The following ANO3 variants were observed in gnomAD, a reference collection of about 807,000 sequenced individuals.
ANO3 encodes anoctamin-3.
Under a neutral mutation model 144.8 loss-of-function variants are expected in ANO3, and 99 were observed. The ratio of observed to expected loss-of-function variants is 0.68; its 90% CI spans 0.58 to 0.81. ANO3 has a LOEUF of 0.81. Ranked by LOEUF, ANO3 falls within the 30% of genes least tolerant of loss-of-function variation. ANO3 has a pLI of 0.00. For missense variants in ANO3, 905 were observed against 1,202.2 expected, an observed-to-expected ratio of 0.75 and a Z score of 3.66; for synonymous variants, 414 against 392.6, an observed-to-expected ratio of 1.05 and a Z score of -0.64.
At chr11:26,545,017 A>G (rs1849751125) in intron 11 of ANO3, among the ~76,000 whole-genome samples, 1 of 151,992 alleles carries the variant, frequency 6.6e-6, no homozygotes, top group South Asian at 2.1e-4. Flanking sequence ...TATTACCAAA[A>G]TTTAGATGGT....
chr11:26,250,813 G>A (rs921005196), intron 1 of ANO3, among the ~76,000 whole-genome samples: 2 of 152,142 alleles, frequency 1.3e-5, no homozygotes, highest in African/African-American at 4.8e-5. Flanking sequence ...TTACATCCCA[G>A]TAAATCCATA....
At position 26,452,423 on chromosome 11, in the gene ANO3, C is replaced by T. The variant is rs1325541332; in HGVS notation, c.313+8587C>T. ...GCTGAAAGCCAAGGCTCGAGAACTA[C>T]GTGAAGAATGCAGAAGCCTCAGGAG... On this transcript the variant is annotated intron_variant, in intron 3 of 26. Transcript: ENST00000256737. 5.3e-5 allele frequency among the ~76,000 whole-genome samples: 8 copies of T among 152,008 alleles called. No individual in the cohort carries two copies. The South Asian group carries it at 6.2e-4, about 12-fold the overall frequency.
intron 1 of ANO3, among the ~76,000 whole-genome samples, chr11:26,355,662 C>T (rs578166753): frequency 2.2e-4 from 34 of 151,882 alleles, no homozygotes; most frequent in African/African-American, 7.7e-4. Context: ...CAGATACAAG[C>T]GATTCTTCTG....
At chr11:26,462,178 G>GTT (rs1675980781) in intron 3 of ANO3, among the ~76,000 whole-genome samples, 1 of 151,880 alleles carries the variant, frequency 6.6e-6, no homozygotes, top group Non-Finnish European at 1.5e-5. Flanking sequence ...AAGCACTAGA[G>GTT]TTTTCCATGT....
chr11:26,450,032 A>T (rs1171094064), intron 3 of ANO3, among the ~76,000 whole-genome samples: 1 of 152,140 alleles, frequency 6.6e-6, no homozygotes, highest in African/African-American at 2.4e-5. Context: ...CTGGGATTTC[A>T]GGGGTGAGCC....
At chr11:26,320,053 T>A (rs1854722100) in intron 1 of ANO3, among the ~76,000 whole-genome samples, 2 of 152,120 alleles carry the variant, frequency 1.3e-5, no homozygotes, top group Admixed American at 1.3e-4. Flanking sequence ...AAATCAGAGC[T>A]TCCAGTGAAT....
intron 4 of ANO3, 140 bp downstream of exon 4, chr11:26,463,288 G>A: frequency 2.2e-6 from 1 of 447,302 alleles, no homozygotes; most frequent in Middle Eastern, 5.9e-4. Flanking sequence ...GAACTCAGAA[G>A]CAAAAAGTTG....
At chr11:26,404,931 ATATGTGTGTGTGTG>A (rs1452162200) in intron 1 of ANO3, among the ~76,000 whole-genome samples, 2 of 39,216 alleles carry the variant, frequency 5.1e-5, no homozygotes, top group African/African-American at 1.2e-4. Flanking sequence ...GAATTTATAT[ATATGTGTGTGTGTG>A]TGTGTGTGTG....
At chr11:26,409,373 T>A (rs1205474370) in intron 1 of ANO3, among the ~76,000 whole-genome samples, 2 of 151,954 alleles carry the variant, frequency 1.3e-5, no homozygotes, top group Non-Finnish European at 2.9e-5. Context: ...TTTTTGTACA[T>A]GTAGTATTTA....
At chr11:26,478,331 C>T (rs1242273464) in intron 4 of ANO3, among the ~76,000 whole-genome samples, 5 of 152,158 alleles carry the variant, frequency 3.3e-5, no homozygotes. Context: ...CAACAAATCA[C>T]TCTAACCTAG....
In ANO3 at chr11:26,586,936, C is replaced by T. The variant is rs190494862; in HGVS notation, c.1448-11429C>T. On this transcript the variant is annotated intron_variant, in intron 14 of 26. Transcript: ENST00000256737. ...AAAATGGATTATAAGATACTTTATT[C>T]AAAGTCATAGATTCGTAGAGTTTTT... Among the ~76,000 whole-genome samples, 6 of 152,236 alleles carry T rather than the reference C, an allele frequency of 3.9e-5. No individual in the cohort carries two copies. In the East Asian group the frequency reaches 1.2e-3, roughly 29 times the overall value.
intron 1 of ANO3, among the ~76,000 whole-genome samples, chr11:26,322,072 A>G (rs989730776): frequency 6.6e-6 from 1 of 152,044 alleles, no homozygotes; most frequent in Non-Finnish European, 1.5e-5. Context: ...TTGATCCTCT[A>G]GATCACTCAT....
intron 4 of ANO3, among the ~76,000 whole-genome samples, chr11:26,501,223 A>G (rs1206150302): frequency 6.6e-6 from 1 of 152,186 alleles, no homozygotes; most frequent in Non-Finnish European, 1.5e-5. Flanking sequence ...GTCTGCCTTT[A>G]ACATTGGACT....
At chr11:26,237,383 T>A (rs1393861986) in intron 1 of ANO3, among the ~76,000 whole-genome samples, 1 of 152,050 alleles carries the variant, frequency 6.6e-6, no homozygotes, top group African/African-American at 2.4e-5. Flanking sequence ...CTTTCCTTTT[T>A]TAAATCAATG....
At chr11:26,529,888 A>G (rs775408007) in intron 7 of ANO3, among the ~76,000 whole-genome samples, 16 of 152,136 alleles carry the variant, frequency 1.1e-4, no homozygotes, top group Admixed American at 3.3e-4. Context: ...CTGGAGCCAA[A>G]GTATCCTGAT....
chr11:26,209,775 C>T (rs1851893877), intron 1 of ANO3, among the ~76,000 whole-genome samples: 2 of 152,154 alleles, frequency 1.3e-5, no homozygotes, highest in Non-Finnish European at 2.9e-5. Flanking sequence ...TTGTTGGCCA[C>T]ATAAATATCT....
At chr11:26,544,364 G>T (rs962940630) in intron 11 of ANO3, among the ~76,000 whole-genome samples, 2 of 147,500 alleles carry the variant, frequency 1.4e-5, no homozygotes, top group African/African-American at 5.0e-5. Flanking sequence ...ATAATCTCCT[G>T]TATGGGTAGA....
intron 14 of ANO3, among the ~76,000 whole-genome samples, chr11:26,595,403 C>T (rs917873770): frequency 7.0e-6 from 1 of 143,234 alleles, no homozygotes; most frequent in African/African-American, 2.7e-5. Flanking sequence ...AGTTCTTATG[C>T]GAATTCGTTT....
intron 3 of ANO3, among the ~76,000 whole-genome samples, chr11:26,451,442 C>A (rs1221087107): frequency 1.3e-5 from 2 of 152,224 alleles, no homozygotes; most frequent in Non-Finnish European, 2.9e-5. Context: ...AATCCTGCAC[C>A]TGGCTCGGAG....
Sources: allele counts gnomAD v4.1 joint callset (sites outside exome capture counted in the v4.1 genomes callset), GRCh38; gene constraint gnomAD v4.1.1; transcripts MANE v1.5; gene names NCBI Gene and HGNC (gene_info 2026-07-23, HGNC 2026-07-21).